The following PCDH15 variants were observed in gnomAD, a reference collection of about 807,000 sequenced individuals.
PCDH15 encodes protocadherin-15.
Under a neutral mutation model 178.5 loss-of-function variants are expected in PCDH15, and 129 were observed. The ratio of observed to expected loss-of-function variants is 0.72; its 90% CI spans 0.63 to 0.84. PCDH15 has a LOEUF of 0.84. Among genes scored for constraint, PCDH15 ranks in the 40% least tolerant of loss-of-function variants. The pLI, the probability that PCDH15 is intolerant of heterozygous loss-of-function variation, is 0.00. For synonymous variants in PCDH15, 800 were observed against 732.0 expected, an observed-to-expected ratio of 1.09 and a Z score of -1.50; for missense variants, 2,230 against 2,099.9, an observed-to-expected ratio of 1.06 and a Z score of -1.21.
At chr10:55,210,436 T>C (rs1015162023) in intron 1 of PCDH15, among the ~76,000 whole-genome samples, 5 of 151,738 alleles carry the variant, frequency 3.3e-5, no homozygotes, top group African/African-American at 9.7e-5. Context: ...CCACAACATT[T>C]AAAACATAAT....
chr10:53,993,749 C>T (rs1265166998), intron 21 of PCDH15, among the ~76,000 whole-genome samples: 1 of 152,104 alleles, frequency 6.6e-6, no homozygotes, highest in Non-Finnish European at 1.5e-5. Flanking sequence ...CAAATTGCAA[C>T]TATGCTCACT....
chr10:54,720,025 A>C (rs1449461969), intron 1 of PCDH15, among the ~76,000 whole-genome samples: 1 of 152,098 alleles, frequency 6.6e-6, no homozygotes, highest in African/African-American at 2.4e-5. Context: ...AGTGATGATT[A>C]TTAACAAGTC....
At chr10:54,700,427 T>A (rs1183041886) in intron 1 of PCDH15, among the ~76,000 whole-genome samples, 1 of 151,842 alleles carries the variant, frequency 6.6e-6, no homozygotes, top group Non-Finnish European at 1.5e-5. Context: ...TTACTGAGAT[T>A]CAAGAGAAAC....
At chr10:55,459,083 C>T (rs757430804) in intron 2 of PCDH15, among the ~76,000 whole-genome samples, 4 of 151,670 alleles carry the variant, frequency 2.6e-5, no homozygotes, top group Non-Finnish European at 5.9e-5. Flanking sequence ...AAGGGAAGTA[C>T]AGAGATTATT....
At chr10:53,885,326 T>A (rs1035369971) in intron 26 of PCDH15, among the ~76,000 whole-genome samples, 1 of 152,138 alleles carries the variant, frequency 6.6e-6, no homozygotes, top group African/African-American at 2.4e-5. Context: ...GTACATTAAT[T>A]AGTATAATAT....
At chr10:55,193,118 T>G (rs1839988983) in intron 1 of PCDH15, among the ~76,000 whole-genome samples, 1 of 151,774 alleles carries the variant, frequency 6.6e-6, no homozygotes, top group East Asian at 1.9e-4. Context: ...GACATACTGC[T>G]CTTTGTACAC....
chr10:53,875,300 T>G (rs2133260967), intron 26 of PCDH15, among the ~76,000 whole-genome samples: 1 of 151,280 alleles, frequency 6.6e-6, no homozygotes, highest in East Asian at 2.0e-4. Context: ...TTCTTAATAT[T>G]TTGGGAAAAT....
At chr10:54,575,758 C>T (rs1370893814) in intron 2 of PCDH15, among the ~76,000 whole-genome samples, 1 of 152,156 alleles carries the variant, frequency 6.6e-6, no homozygotes, top group Admixed American at 6.5e-5. Context: ...CAACTGCTTT[C>T]TTAAAACTAG....
intron 21 of PCDH15, among the ~76,000 whole-genome samples, chr10:53,972,541 T>TG (rs1399575509): frequency 6.6e-6 from 1 of 152,234 alleles, no homozygotes; most frequent in Non-Finnish European, 1.5e-5. Flanking sequence ...TCTACCCATC[T>TG]GACAAAAGGG....
chr10:54,281,359 A>G (rs960484197), intron 8 of PCDH15, among the ~76,000 whole-genome samples: 1 of 152,132 alleles, frequency 6.6e-6, no homozygotes, highest in South Asian at 2.1e-4. Context: ...CTAAAAATGT[A>G]TAACAGTAAA....
At chr10:54,324,721 C>A (rs1402297841) in intron 7 of PCDH15, among the ~76,000 whole-genome samples, 1 of 151,966 alleles carries the variant, frequency 6.6e-6, no homozygotes, top group Non-Finnish European at 1.5e-5. Flanking sequence ...ACCGAGATCA[C>A]CCCCCTGCAC....
At chr10:55,291,800 G>A (rs1340161122) in intron 1 of PCDH15, among the ~76,000 whole-genome samples, 1 of 152,182 alleles carries the variant, frequency 6.6e-6, no homozygotes, top group East Asian at 1.9e-4. Flanking sequence ...GGCTGGGGAA[G>A]TCTCATGATC....
At chr10:54,227,263 C>G (rs758870523) in intron 9 of PCDH15, among the ~76,000 whole-genome samples, 5 of 152,220 alleles carry the variant, frequency 3.3e-5, no homozygotes, top group Non-Finnish European at 5.9e-5. Flanking sequence ...TTCCACACAT[C>G]TTCTGAAATC....
At chr10:53,824,302 G>A (rs553810255) in intron 32 of PCDH15, among the ~76,000 whole-genome samples, 1 of 152,174 alleles carries the variant, frequency 6.6e-6, no homozygotes, top group Non-Finnish European at 1.5e-5. Context: ...CAGGATTGTT[G>A]GCTGATTGAT....
rs375843477 is a variant in PCDH15, at chr10:55,549,822, T to C, written c.-156+77803A>G. 2.4e-4 allele frequency among the ~76,000 whole-genome samples: 37 copies of C among 152,174 alleles called. 1 individual carries two copies. The highest frequency in any genetic ancestry group is 8.2e-4 in the African/African-American group (34 of 41,544). On this transcript the variant is annotated intron_variant, in intron 2 of 5. Coordinates refer to the PCDH15 transcript ENST00000613346. ...AAATAGTGGGAAACAAAGGCAACTG[T>C]TGTGTTCTCTATCATTGTCAATTGG...
In PCDH15 at chr10:53,806,869, G is replaced by A. The variant is rs1841204756; in HGVS notation, c.4933C>T (p.His1645Tyr). 2 of 1,613,764 alleles carry A rather than the reference G, an allele frequency of 1.2e-6. No homozygotes were observed. Among genetic ancestry groups the A allele is most frequent in the South Asian group, 1.1e-5 (1 of 91,086 alleles). Residue 1645 changes from histidine (H) to tyrosine (Y), a missense_variant, in exon 38 of 38, where the codon CAT becomes TAT. By Grantham distance (83) the His-to-Tyr change is moderately conservative. Transcript: ENST00000644397. Reference protein sequence around the residue: ...FKKLDKLAVTHEENVPLNTLS... With the variant: ...FKKLDKLAVTYEENVPLNTLS... ...GTGTTCAGAGGTACATTCTCCTCAT[G>A]TGTCACTGCCAACTTGTCTAGTTTC...
chr10:54,880,119 C>T (rs984113575), intron 3 of PCDH15, among the ~76,000 whole-genome samples: 12 of 152,134 alleles, frequency 7.9e-5, no homozygotes, highest in African/African-American at 1.9e-4. Flanking sequence ...TTGCATACTA[C>T]ACCCATCATT....
Position 54,600,052 on chromosome 10 carries a change from G to A in PCDH15, c.91+64120C>T, listed in dbSNP as rs2092452524. On this transcript the variant is annotated intron_variant, in intron 2 of 37. Coordinates refer to ENST00000644397, the MANE Select transcript of PCDH15 (RefSeq NM_001384140.1). ...AGTGGGGAAAGGTGAACAGAAAGAGGAAGAAAAGGAAATCGAGGAAGCTCC... is the reference window on the plus strand; with the variant it reads ...AGTGGGGAAAGGTGAACAGAAAGAGAAAGAAAAGGAAATCGAGGAAGCTCC... The A allele has an allele frequency of 3.9e-6, 5 of 1,282,802 alleles. No homozygotes were observed. The East Asian group carries it at 1.0e-4, about 26-fold the overall frequency. 79.5% of individuals were successfully genotyped at this position (1,282,802 alleles called of 1,614,324 possible).
intron 13 of PCDH15, among the ~76,000 whole-genome samples, chr10:54,167,240 C>G (rs1197835364): frequency 2.6e-5 from 4 of 152,144 alleles, no homozygotes; most frequent in Non-Finnish European, 5.9e-5. Flanking sequence ...CTCAGACCGA[C>G]CAGCCCAAGG....
Sources: allele counts gnomAD v4.1 joint callset (sites outside exome capture counted in the v4.1 genomes callset), GRCh38; gene constraint gnomAD v4.1.1; transcripts MANE v1.5; gene names NCBI Gene and HGNC (gene_info 2026-07-23, HGNC 2026-07-21).